Variants in RUNX1 observed in about 807,000 individuals in gnomAD.
RUNX1 encodes RUNX family transcription factor 1, also known as runt-related transcription factor 1.
Under a neutral mutation model 42.8 loss-of-function variants are expected in RUNX1, and 19 were observed. The observed-to-expected ratio is 0.44, with a 90% CI of 0.31 to 0.65. RUNX1 has a LOEUF of 0.65. Among genes scored for constraint, RUNX1 ranks in the 30% least tolerant of loss-of-function variants. The probability of loss-of-function intolerance (pLI) is 0.07; values close to 1 mark genes in which losing one functional copy is unlikely to be tolerated. For missense variants in RUNX1, 528 were observed against 672.0 expected (o/e 0.79, Z 2.37); for synonymous variants, 271 against 289.4 (o/e 0.94, Z 0.64).
chr21:34,851,496 C>T (rs1288907547), intron 6 of RUNX1, among the ~76,000 whole-genome samples: 1 of 152,206 alleles, frequency 6.6e-6, no homozygotes, highest in Non-Finnish European at 1.5e-5. Flanking sequence ...GGCCTGGTGG[C>T]ACCAGTGTGA....
intron 5 of RUNX1, among the ~76,000 whole-genome samples, chr21:34,878,505 G>A (rs571416076): frequency 3.9e-5 from 6 of 152,118 alleles, no homozygotes; most frequent in African/African-American, 1.4e-4. Context: ...GGGAAGGAGA[G>A]TCTGTTCAAA....
intron 7 of RUNX1, among the ~76,000 whole-genome samples, chr21:34,804,912 T>TTC (rs2056658453): frequency 6.6e-6 from 1 of 152,012 alleles, no homozygotes; most frequent in Non-Finnish European, 1.5e-5. Flanking sequence ...CAGCTATTTT[T>TTC]TCTTTTTTTT....
intron 2 of RUNX1, among the ~76,000 whole-genome samples, chr21:35,040,771 C>CAAA (rs67940268): frequency 4.4e-5 from 4 of 90,816 alleles, no homozygotes; most frequent in African/African-American, 1.3e-4. Flanking sequence ...AGACTCCATC[C>CAAA]AAAAAAAAAA....
Position 34,859,788 on chromosome 21 carries a change from T to C in RUNX1, c.509-210A>G, listed in dbSNP as rs2146238575. Reference sequence around the variant, plus strand: ...AACACTTCACATAGTTATATGGCTTTAATGTAATCATCAATAAACAATACA... The same window carrying C: ...AACACTTCACATAGTTATATGGCTTCAATGTAATCATCAATAAACAATACA... On this transcript the variant is annotated intron_variant, in intron 5 of 8. Coordinates refer to ENST00000675419, the MANE Select transcript of RUNX1 (RefSeq NM_001754.5). Among the ~76,000 whole-genome samples the C allele has an allele frequency of 1.3e-5, 2 of 152,354 alleles. 1 individual carries two copies. The highest frequency in any genetic ancestry group is 4.1e-4 in the South Asian group (2 of 4,830).
chr21:35,037,460 G>C (rs1006449538), intron 2 of RUNX1, among the ~76,000 whole-genome samples: 2 of 152,094 alleles, frequency 1.3e-5, no homozygotes, highest in African/African-American at 2.4e-5. Flanking sequence ...CCCCAGCTTG[G>C]TGCCACCCCA....
At chr21:35,003,493 G>C (rs1270127387) in intron 2 of RUNX1, among the ~76,000 whole-genome samples, 1 of 151,168 alleles carries the variant, frequency 6.6e-6, no homozygotes, top group Non-Finnish European at 1.5e-5. Context: ...TGATGATAAT[G>C]AGTGAACAAG....
intron 7 of RUNX1, among the ~76,000 whole-genome samples, chr21:34,809,967 G>A (rs576457624): frequency 3.2e-4 from 48 of 152,372 alleles, no homozygotes; most frequent in African/African-American, 1.1e-3. Flanking sequence ...ACACAGGTGT[G>A]TGTCATGCCA....
At position 34,799,400 on chromosome 21, in the gene RUNX1, A is replaced by G; in HGVS notation, c.868T>C (p.Ser290Pro). 6.2e-7 allele frequency: 1 copy of G among 1,614,170 alleles called. No individual in the cohort carries two copies. Among genetic ancestry groups the G allele is most frequent in the Non-Finnish European group, 8.5e-7 (1 of 1,180,002 alleles). Residue 290 changes from serine (S) to proline (P), a missense_variant, in exon 8 of 9, where the codon TCC (serine) becomes CCC (proline). Transcript: ENST00000675419. ...SYDQSYQYLG[S>P]IASPSVHPAT... Reference sequence around the variant, plus strand: ...GGGTGCACAGAAGGAGAGGCAATGGATCCCAGGTATTGGTAGGACTGATCG... The same window carrying G: ...GGGTGCACAGAAGGAGAGGCAATGGGTCCCAGGTATTGGTAGGACTGATCG...
At chr21:35,016,270 T>C (rs1306746722) in intron 2 of RUNX1, among the ~76,000 whole-genome samples, 1 of 152,204 alleles carries the variant, frequency 6.6e-6, no homozygotes, top group Non-Finnish European at 1.5e-5. Flanking sequence ...GGGGTGTGAC[T>C]GCAAGGTGAA....
intron 2 of RUNX1, among the ~76,000 whole-genome samples, chr21:34,926,825 A>G (rs557519621): frequency 2.1e-5 from 3 of 146,072 alleles, no homozygotes; most frequent in Non-Finnish European, 4.6e-5. Context: ...CCAGACAGAT[A>G]AAACAGACAT....
intron 6 of RUNX1, among the ~76,000 whole-genome samples, chr21:34,842,392 G>C (rs1259165368): frequency 7.0e-6 from 1 of 142,950 alleles, no homozygotes; most frequent in Admixed American, 7.7e-5. Context: ...CTACTTGGGA[G>C]ACTGAGGCAG....
intron 6 of RUNX1, among the ~76,000 whole-genome samples, chr21:34,841,048 T>C (rs996118766): frequency 6.6e-6 from 1 of 152,214 alleles, no homozygotes; most frequent in South Asian, 2.1e-4. Flanking sequence ...AAAGCCACTC[T>C]GCGGAACACT....
chr21:34,990,631 T>C (rs1000448062), intron 2 of RUNX1, among the ~76,000 whole-genome samples: 1 of 151,200 alleles, frequency 6.6e-6, no homozygotes, highest in Non-Finnish European at 1.5e-5. Flanking sequence ...GATATAATGT[T>C]GGGATATGAG....
At chr21:34,928,422 G>A (rs925814991) in intron 2 of RUNX1, among the ~76,000 whole-genome samples, 4 of 152,046 alleles carry the variant, frequency 2.6e-5, no homozygotes, top group Admixed American at 6.6e-5. Flanking sequence ...GGCCAGGTGC[G>A]GTGGCTCACA....
intron 2 of RUNX1, among the ~76,000 whole-genome samples, chr21:34,964,472 A>G (rs1191264279): frequency 4.9e-5 from 7 of 144,300 alleles, no homozygotes; most frequent in African/African-American, 1.9e-4. Flanking sequence ...TGAGCGACAG[A>G]GCGAGACTCC....
intron 2 of RUNX1, among the ~76,000 whole-genome samples, chr21:34,919,068 C>T (rs1270657912): frequency 6.6e-6 from 1 of 152,080 alleles, no homozygotes; most frequent in Non-Finnish European, 1.5e-5. Flanking sequence ...CGCATCAATG[C>T]TATGAGGTAG....
At chr21:34,862,423 T>C (rs1483835869) in intron 5 of RUNX1, among the ~76,000 whole-genome samples, 1 of 152,198 alleles carries the variant, frequency 6.6e-6, no homozygotes, top group African/African-American at 2.4e-5. Context: ...GCTGCTGTAA[T>C]AAATTATCAC....
chr21:34,902,211 T>C (rs117409161), intron 2 of RUNX1, among the ~76,000 whole-genome samples: 4,385 of 152,294 alleles, frequency 0.029, 100 homozygotes, highest in Non-Finnish European at 0.04. Flanking sequence ...ATAGAAAGTA[T>C]TTTTTCCTTA....
rs1485330514 is a variant in RUNX1 at position 34,907,169 on chromosome 21, G to A, written c.59-14206C>T. ...GCACTTTCCTGGTGTACAGTCTTTG[G>A]GGGCTCTTGACAGCAAGAAAACCTA... On this transcript the variant is annotated intron_variant, in intron 2 of 8. Transcript: ENST00000675419. This position sits in a 1 kb window ranked among gnomAD's most constrained non-coding sequence, Gnocchi z 5.3. 2.0e-5 allele frequency among the ~76,000 whole-genome samples: 3 copies of A among 146,832 alleles called. No homozygotes were observed. The highest frequency in any genetic ancestry group is 2.9e-5 in the Non-Finnish European group (2 of 67,998).
Sources: gnomAD v4.1 joint callset for allele counts (sites outside exome capture counted in the v4.1 genomes callset) on GRCh38, gnomAD v4.1.1 for gene constraint, Gnocchi (gnomAD v3.1) non-coding constraint, MANE v1.5 for transcripts, NCBI Gene and HGNC (gene_info 2026-07-23, HGNC 2026-07-21) for gene names.